The following TPD52 variants were observed in gnomAD, a reference collection of about 807,000 sequenced individuals.
TPD52 encodes the protein tumor protein D52, also known as prostate and colon associated protein.
In TPD52, 17 loss-of-function variants were observed where a neutral mutation model predicts 31.3. The observed-to-expected ratio is 0.54, with a 90% CI of 0.37 to 0.82. The LOEUF (loss-of-function observed/expected upper bound fraction) is 0.82, where lower values mean the gene tolerates loss of function less well. Ranked by LOEUF, TPD52 falls within the 40% of genes least tolerant of loss-of-function variation. TPD52 has a pLI of 0.00. For missense variants in TPD52, 212 were observed against 240.1 expected, an observed-to-expected ratio of 0.88 and a Z score of 0.77; for synonymous variants, 83 against 89.6, an observed-to-expected ratio of 0.93 and a Z score of 0.42.
chr8:80,078,898 G>T (rs1814903593), intron 1 of TPD52, among the ~76,000 whole-genome samples: 2 of 152,036 alleles, frequency 1.3e-5, no homozygotes, highest in Non-Finnish European at 2.9e-5. Flanking sequence ...ACCATAACTT[G>T]GAAAATGAAA....
chr8:80,072,462 TGC>T lies in TPD52; in HGVS notation c.20-7871_20-7870del, dbSNP rs1383363305. On this transcript the variant is annotated intron_variant, in intron 1 of 7. Transcript: ENST00000518937. Reference sequence around the variant, plus strand: ...GTGTATATACATGTACACATAGATATGCGTGTATATACATGTACACATAGATA... The same window carrying T: ...GTGTATATACATGTACACATAGATATGTGTATATACATGTACACATAGATA... Among the ~76,000 whole-genome samples the T allele has an allele frequency of 2.9e-4, 5 of 17,540 alleles. 1 individual carries two copies. The highest frequency in any genetic ancestry group is 1.3e-3 in the African/African-American group (4 of 3,066). The allele number at this position is 17,540 out of a possible 152,430, so 11.5% of individuals were successfully genotyped here. A position where few individuals can be genotyped will look rare whatever the true frequency, so the allele number is the denominator to read the frequency against.
chr8:80,122,694 T>C (rs7812711), intron 1 of TPD52, among the ~76,000 whole-genome samples: 2,468 of 152,168 alleles, frequency 0.016, 71 homozygotes, highest in African/African-American at 0.057. Flanking sequence ...TCTCCAAGAG[T>C]GTAATACAGT....
intron 1 of TPD52, among the ~76,000 whole-genome samples, chr8:80,109,950 T>G (rs771693813): frequency 1.3e-5 from 2 of 152,146 alleles, no homozygotes; most frequent in Non-Finnish European, 2.9e-5. Context: ...AAGATGGAGA[T>G]GTATACCTGA....
chr8:80,080,921 T>C (rs1216956653), intron 1 of TPD52: 1 of 235,260 alleles, frequency 4.3e-6, no homozygotes, highest in African/African-American at 2.3e-5. Context: ...GACTTAATCT[T>C]CTAGGACAAG....
intron 1 of TPD52, among the ~76,000 whole-genome samples, chr8:80,164,389 T>TA (rs1811573414): frequency 6.6e-6 from 1 of 152,196 alleles, no homozygotes; most frequent in Non-Finnish European, 1.5e-5. Context: ...AAGAAGCCAT[T>TA]AGTCAATGAA....
chr8:80,106,450 G>A (rs556588912), intron 1 of TPD52, among the ~76,000 whole-genome samples: 6 of 152,126 alleles, frequency 3.9e-5, no homozygotes, highest in South Asian at 2.1e-4. Context: ...TCCGCCTCCC[G>A]GGTTCACGCC....
intron 1 of TPD52, chr8:80,064,973 C>T (rs1018276874): frequency 5.2e-6 from 2 of 386,106 alleles, no homozygotes; most frequent in African/African-American, 4.2e-5. Context: ...TCCCAGTAAC[C>T]CAGGGCAGGA....
chr8:80,065,749 C>A (rs1324245051), intron 1 of TPD52, among the ~76,000 whole-genome samples: 1 of 151,874 alleles, frequency 6.6e-6, no homozygotes, highest in Non-Finnish European at 1.5e-5. Context: ...TTGGTAATCT[C>A]ATCTTTATTT....
intron 4 of TPD52, among the ~76,000 whole-genome samples, chr8:80,050,902 T>C (rs891884240): frequency 6.6e-6 from 1 of 151,998 alleles, no homozygotes; most frequent in Non-Finnish European, 1.5e-5. Context: ...TTTGTCATTT[T>C]CATCACTATC....
At chr8:80,143,938 A>T (rs1423018057) in intron 1 of TPD52, among the ~76,000 whole-genome samples, 4 of 127,768 alleles carry the variant, frequency 3.1e-5, no homozygotes, top group African/African-American at 1.3e-4. Flanking sequence ...TTAAACAATC[A>T]TAAAAGTCAC....
At chr8:80,071,194 T>A (rs977865347) in intron 1 of TPD52, among the ~76,000 whole-genome samples, 1 of 152,118 alleles carries the variant, frequency 6.6e-6, no homozygotes, top group African/African-American at 2.4e-5. Context: ...AACCGGGTGA[T>A]AAGCCACCCA....
chr8:80,087,831 C>T (rs1268834211), intron 1 of TPD52, among the ~76,000 whole-genome samples: 1 of 151,196 alleles, frequency 6.6e-6, no homozygotes, highest in Non-Finnish European at 1.5e-5. Flanking sequence ...GGTTAATGAA[C>T]ACCCCACACC....
chr8:80,078,168 C>G (rs1426979947), intron 1 of TPD52, among the ~76,000 whole-genome samples: 2 of 152,220 alleles, frequency 1.3e-5, no homozygotes, highest in African/African-American at 4.8e-5. Context: ...TCCTAACCTT[C>G]GCTTTAATTA....
At position 80,110,893 on chromosome 8, in the gene TPD52, T is replaced by C. The variant is rs77259357; in HGVS notation, c.20-46300A>G. ...TCCCTTGTGGTCTGCTGCTACCCTATCCATCAACTGCTGAATGCTCAAGCT... is the reference window on the plus strand; with the variant it reads ...TCCCTTGTGGTCTGCTGCTACCCTACCCATCAACTGCTGAATGCTCAAGCT... On this transcript the variant is annotated intron_variant, in intron 1 of 7. Coordinates refer to ENST00000518937, the MANE Select transcript of TPD52 (RefSeq NM_001025253.3). 5.4e-3 allele frequency among the ~76,000 whole-genome samples: 826 copies of C among 152,278 alleles called. 8 individuals carry two copies. The highest frequency in any genetic ancestry group is 0.019 in the African/African-American group (782 of 41,570).
intron 1 of TPD52, among the ~76,000 whole-genome samples, chr8:80,132,490 G>A (rs972436932): frequency 1.3e-5 from 2 of 152,198 alleles, no homozygotes; most frequent in African/African-American, 4.8e-5. Context: ...TTACAGGTGT[G>A]AGCCACCATG....
At chr8:80,143,639 T>C (rs573467178) in intron 1 of TPD52, among the ~76,000 whole-genome samples, 1 of 152,338 alleles carries the variant, frequency 6.6e-6, no homozygotes, top group South Asian at 2.1e-4. Flanking sequence ...TTAAGCTTCA[T>C]AGTTTAACAA....
Position 80,059,029 on chromosome 8 carries a change from G to A in TPD52, c.135+5449C>T, listed in dbSNP as rs567936655. Among the ~76,000 whole-genome samples the A allele has an allele frequency of 1.8e-4, 27 of 152,182 alleles. No individual in the cohort carries two copies. The South Asian group carries it at 5.6e-3, about 32-fold the overall frequency. On this transcript the variant is annotated intron_variant, in intron 2 of 7. Transcript: ENST00000518937. ...TAGTAGAAATACACTGTTCTCAAAT[G>A]CACATGAAACATTCTCCAGGACAGA...
At chr8:80,072,176 C>T (rs1479518268) in intron 1 of TPD52, among the ~76,000 whole-genome samples, 1 of 152,108 alleles carries the variant, frequency 6.6e-6, no homozygotes, top group African/African-American at 2.4e-5. Flanking sequence ...GGCGTGGTGG[C>T]GTGCACCTGT....
At chr8:80,136,150 AT>A (rs1809381298) in intron 1 of TPD52, among the ~76,000 whole-genome samples, 2 of 143,918 alleles carry the variant, frequency 1.4e-5, no homozygotes, top group Non-Finnish European at 3.0e-5. Flanking sequence ...AAATTAATTA[AT>A]TAAAAAAAAA....
Sources: gnomAD v4.1 joint callset for allele counts (sites outside exome capture counted in the v4.1 genomes callset) on GRCh38, gnomAD v4.1.1 for gene constraint, MANE v1.5 for transcripts, NCBI Gene and HGNC (gene_info 2026-07-23, HGNC 2026-07-21) for gene names.